Variants in RANBP9 observed in about 807,000 individuals in gnomAD.
RANBP9 encodes the protein ran-binding protein 9.
In RANBP9, 15 loss-of-function variants were observed where a neutral mutation model predicts 84.3. The observed-to-expected ratio is 0.18, with a 90% CI of 0.12 to 0.27. RANBP9 has a LOEUF of 0.27. Ranked by LOEUF, RANBP9 falls within the 10% of genes least tolerant of loss-of-function variation. RANBP9 has a pLI of 1.00. For synonymous variants in RANBP9, 392 were observed against 349.6 expected (o/e 1.12, Z -1.35); for missense variants, 809 against 912.8 (o/e 0.89, Z 1.46).
At chr6:13,651,600 C>T (rs1765299386) in intron 5 of RANBP9, among the ~76,000 whole-genome samples, 2 of 151,854 alleles carry the variant, frequency 1.3e-5, no homozygotes, top group Non-Finnish European at 2.9e-5. Flanking sequence ...CGGGGGTTCA[C>T]CGTGTTGGCC....
At chr6:13,632,052 T>C (rs1764796494) in intron 12 of RANBP9, among the ~76,000 whole-genome samples, 1 of 136,304 alleles carries the variant, frequency 7.3e-6, no homozygotes, top group Admixed American at 7.7e-5. Context: ...GCTGAGAAAA[T>C]AAAACTAAGA....
chr6:13,674,175 TAAC>T (rs1381498979), intron 2 of RANBP9, among the ~76,000 whole-genome samples: 1 of 151,920 alleles, frequency 6.6e-6, no homozygotes, highest in Admixed American at 6.6e-5. Flanking sequence ...AACCCAACTT[TAAC>T]AATACTTTCA....
intron 2 of RANBP9, among the ~76,000 whole-genome samples, chr6:13,663,475 T>G (rs1033040729): frequency 6.6e-6 from 1 of 152,152 alleles, no homozygotes; most frequent in African/African-American, 2.4e-5. Context: ...GTAACATGTA[T>G]TGTGTAGTTT....
At position 13,711,598 on chromosome 6, in the gene RANBP9, G is replaced by A. The variant is rs1302692708; in HGVS notation, c.-93C>T. 5.2e-5 allele frequency: 60 copies of A among 1,146,598 alleles called. No homozygotes were observed. The highest frequency in any genetic ancestry group is 1.7e-4 in the South Asian group (4 of 23,742). 71.0% of individuals were successfully genotyped at this position (1,146,598 alleles called of 1,614,324 possible). A position where few individuals can be genotyped will look rare whatever the true frequency, so the allele number is the denominator to read the frequency against. Reference sequence around the variant, plus strand: ...GCTGTCGCTGCGGCCGCCGGCACCAGGCGCCCAGTCCGCCCGCCCCGGAAG... The same window carrying A: ...GCTGTCGCTGCGGCCGCCGGCACCAAGCGCCCAGTCCGCCCGCCCCGGAAG... On this transcript the variant is annotated 5_prime_UTR_variant, in exon 1 of 14. Coordinates refer to ENST00000011619, the MANE Select transcript of RANBP9 (RefSeq NM_005493.3).
At chr6:13,699,299 A>T (rs1043694146) in intron 1 of RANBP9, among the ~76,000 whole-genome samples, 4 of 152,204 alleles carry the variant, frequency 2.6e-5, no homozygotes, top group African/African-American at 9.7e-5. Flanking sequence ...ATTGCAGATA[A>T]ATTCTGTAAA....
intron 2 of RANBP9, among the ~76,000 whole-genome samples, chr6:13,675,496 G>T (rs925603957): frequency 5.6e-4 from 85 of 152,034 alleles, no homozygotes; most frequent in Non-Finnish European, 1.1e-3. Context: ...TGAAAGCAGT[G>T]CCTACAGAGA....
At chr6:13,706,973 T>A (rs1758143908) in intron 1 of RANBP9, among the ~76,000 whole-genome samples, 1 of 139,778 alleles carries the variant, frequency 7.2e-6, no homozygotes. Flanking sequence ...ACCACCGCAC[T>A]CCAGCCTGGA....
chr6:13,634,646 A>C, intron 10 of RANBP9, 94 bp from the exon 11 acceptor site: 1 of 1,149,384 alleles, frequency 8.7e-7, no homozygotes, highest in Non-Finnish European at 1.2e-6. Context: ...CTACGAATAA[A>C]CTAATTTCAT....
intron 2 of RANBP9, among the ~76,000 whole-genome samples, chr6:13,681,598 C>T (rs937452519): frequency 1.4e-4 from 21 of 151,656 alleles, no homozygotes; most frequent in African/African-American, 4.6e-4. Context: ...AAAAAAAGAG[C>T]AAACAAAATA....
At chr6:13,710,887 C>T (rs1478897060) in intron 1 of RANBP9, 48 bp downstream of exon 1, 3 of 1,532,290 alleles carry the variant, frequency 2.0e-6, no homozygotes, top group South Asian at 2.4e-5. Flanking sequence ...GGCGGCCGGC[C>T]ACGTCGGGTC....
intron 2 of RANBP9, among the ~76,000 whole-genome samples, chr6:13,694,363 T>G (rs1018799321): frequency 3.9e-5 from 6 of 152,224 alleles, no homozygotes; most frequent in African/African-American, 9.6e-5. Context: ...GGGAGGAATC[T>G]CGAATGTGTT....
intron 2 of RANBP9, among the ~76,000 whole-genome samples, chr6:13,695,410 T>TG (rs1766421126): frequency 6.6e-6 from 1 of 150,664 alleles, no homozygotes; most frequent in Non-Finnish European, 1.5e-5. Flanking sequence ...TGTTTTTTTT[T>TG]TTTTTTTTTT....
intron 1 of RANBP9, among the ~76,000 whole-genome samples, chr6:13,709,082 G>A (rs1245202720): frequency 1.3e-5 from 2 of 152,174 alleles, no homozygotes; most frequent in East Asian, 3.8e-4. Flanking sequence ...AAACAACTGA[G>A]ACAGCAGTGT....
At chr6:13,640,608 C>T (rs1765041891) in intron 8 of RANBP9, among the ~76,000 whole-genome samples, 1 of 152,034 alleles carries the variant, frequency 6.6e-6, no homozygotes, top group Admixed American at 6.5e-5. Flanking sequence ...ATACATACTA[C>T]AATAAAGATG....
chr6:13,637,970 A>T lies in RANBP9; in HGVS notation c.1526-15T>A. The T allele has an allele frequency of 6.3e-7, 1 of 1,581,318 alleles. No homozygotes were observed. Among genetic ancestry groups the T allele is most frequent in the Non-Finnish European group, 8.6e-7 (1 of 1,166,860 alleles). On this transcript the variant is annotated splice_polypyrimidine_tract_variant and intron_variant, in intron 9 of 13. Coordinates refer to ENST00000011619, the MANE Select transcript of RANBP9 (RefSeq NM_005493.3). ...ACTTTCAAAACCTGAAGAAAAAGAT[A>T]CCACGTAGAAACAGAAACAAACACT...
At chr6:13,626,537 T>C (rs1193586631) in intron 12 of RANBP9, among the ~76,000 whole-genome samples, 2 of 152,216 alleles carry the variant, frequency 1.3e-5, no homozygotes, top group Admixed American at 6.5e-5. Flanking sequence ...TAAATGAAAT[T>C]AGCAGTATCA....
intron 2 of RANBP9, among the ~76,000 whole-genome samples, chr6:13,672,889 G>C (rs919752761): frequency 5.3e-5 from 8 of 151,448 alleles, no homozygotes; most frequent in African/African-American, 1.2e-4. Context: ...AAAAAAACTG[G>C]AACATGGTAT....
At chr6:13,631,055 G>A (rs2127760950) in intron 12 of RANBP9, among the ~76,000 whole-genome samples, 1 of 152,166 alleles carries the variant, frequency 6.6e-6, no homozygotes. Context: ...TGATCCGCCC[G>A]CCTCAGCCTC....
At chr6:13,702,006 T>C (rs574836200) in intron 1 of RANBP9, among the ~76,000 whole-genome samples, 8 of 152,194 alleles carry the variant, frequency 5.3e-5, no homozygotes, top group South Asian at 2.1e-4. Context: ...ATTATCTTCC[T>C]CTCTAATCTC....
Sources: gnomAD v4.1 joint callset for allele counts (sites outside exome capture counted in the v4.1 genomes callset) on GRCh38, gnomAD v4.1.1 for gene constraint, MANE v1.5 for transcripts, NCBI Gene and HGNC (gene_info 2026-07-23, HGNC 2026-07-21) for gene names.